The following CRY2 variants were observed in gnomAD, a reference collection of about 807,000 sequenced individuals.
The protein encoded by CRY2 is cryptochrome circadian regulator 2.
Under a neutral mutation model 69.5 loss-of-function variants are expected in CRY2, and 31 were observed. That is an observed-to-expected ratio of 0.45 (90% CI 0.34 to 0.60). The LOEUF (loss-of-function observed/expected upper bound fraction) is 0.60, where lower values mean the gene tolerates loss of function less well. CRY2 is among the 20% of genes least tolerant of loss of function. CRY2 has a pLI of 0.02. For missense variants in CRY2, 606 were observed against 797.8 expected, an observed-to-expected ratio of 0.76 and a Z score of 2.90; for synonymous variants, 303 against 312.2, an observed-to-expected ratio of 0.97 and a Z score of 0.31.
intron 1 of CRY2, among the ~76,000 whole-genome samples, chr11:45,850,014 T>TG (rs981581861): frequency 6.6e-6 from 1 of 150,914 alleles, no homozygotes; most frequent in African/African-American, 2.4e-5. Flanking sequence ...TTTTGTTTTT[T>TG]TTTTTTTTTG....
Position 45,858,861 on chromosome 11 carries a change from A to G in CRY2, c.455A>G (p.Tyr152Cys), listed in dbSNP as rs2086263691. ...EVVTENSHTL[Y>C]DLDRIIELNG... The stretch of plus-strand genomic sequence containing the variant: ...GTGACGGAGAATTCTCATACCCTCT[A>G]TGACCTGGACAGGTAAGAGATGGGG... The change falls in exon 3 of 12, where the codon TAT becomes TGT. Residue 152 changes from tyrosine to cysteine, a missense_variant. Physicochemically the swap from Tyr to Cys is radical, Grantham distance 194 (BLOSUM62 -2). Transcript: ENST00000616080. 5.0e-6 allele frequency: 8 copies of G among 1,613,762 alleles called. No homozygotes were observed. The highest frequency in any genetic ancestry group is 2.7e-5 in the African/African-American group (2 of 74,896).
rs533768408 is a variant in CRY2, at chr11:45,853,607, C to T, written c.216-2375C>T. 2.0e-5 allele frequency among the ~76,000 whole-genome samples: 3 copies of T among 152,282 alleles called. No individual in the cohort carries two copies. The South Asian group carries it at 6.2e-4, about 32-fold the overall frequency. On this transcript the variant is annotated intron_variant, in intron 1 of 11. Transcript: ENST00000616080. ...ACTGTGAAGGAAAAGACCCCCAAAG[C>T]GCATGGCAAGGACACTCCTGGGAGC...
At chr11:45,862,397 T>C (rs976435249) in intron 5 of CRY2, among the ~76,000 whole-genome samples, 2 of 145,282 alleles carry the variant, frequency 1.4e-5, no homozygotes, top group African/African-American at 4.9e-5. Context: ...TCTTTTAATC[T>C]TTCCAATAGC....
chr11:45,870,156 G>T lies in CRY2; in HGVS notation c.1298G>T (p.Cys433Phe). The change falls in exon 8 of 12, where the codon TGC becomes TTC. Residue 433 changes from cysteine to phenylalanine, a missense_variant. Transcript: ENST00000616080. ...AFFQQFFHCY[C>F]PVGFGRRTDP... ...TTCCAGCAGTTCTTCCACTGCTACT[G>T]CCCTGTGGGCTTTGGCCGTCGCACG... 6.2e-7 allele frequency: 1 copy of T among 1,613,774 alleles called. No individual in the cohort carries two copies. Among genetic ancestry groups the T allele is most frequent in the South Asian group, 1.1e-5 (1 of 91,056 alleles).
At chr11:45,877,917 C>T (rs563540320) in intron 11 of CRY2, among the ~76,000 whole-genome samples, 1 of 152,316 alleles carries the variant, frequency 6.6e-6, no homozygotes, top group African/African-American at 2.4e-5. Flanking sequence ...CCTTGGTTTT[C>T]TGCATTGGTA....
At chr11:45,874,903 A>G (rs2086414054) in intron 11 of CRY2, among the ~76,000 whole-genome samples, 1 of 152,192 alleles carries the variant, frequency 6.6e-6, no homozygotes, top group African/African-American at 2.4e-5. Context: ...AGATCGTACC[A>G]CTGCACTCCA....
At chr11:45,869,995 T>TG in intron 7 of CRY2, 58 bp from the exon 8 acceptor site, 1 of 1,541,576 alleles carries the variant, frequency 6.5e-7, no homozygotes, top group East Asian at 2.3e-5. Context: ...TGTGGTGACT[T>TG]GGGAAAAAAC....
Position 45,881,905 on chromosome 11 carries a change from A to G in CRY2, c.*994A>G, listed in dbSNP as rs1239573756. On this transcript the variant is annotated 3_prime_UTR_variant, in exon 12 of 12. Coordinates refer to ENST00000616080, the MANE Select transcript of CRY2 (RefSeq NM_021117.5). ...AGCCAGGGAAACCATTCTAGTCTTT[A>G]TTCTGTTGGCTTCCAGGGCCTGTCC... The G allele has an allele frequency of 2.6e-5, 4 of 152,238 alleles. No individual in the cohort carries two copies. The highest frequency in any genetic ancestry group is 9.6e-5 in the African/African-American group (4 of 41,452). The allele number at this position is 152,238 out of a possible 1,614,324, so 9.4% of individuals were successfully genotyped here.
In CRY2 at chr11:45,860,931, A is replaced by C. The variant is rs1471492159; in HGVS notation, c.551A>C (p.Lys184Thr). Residue 184 changes from lysine (K) to threonine (T), a missense_variant, in exon 4 of 12, where the codon AAG becomes ACG. By Grantham distance (78) the Lys-to-Thr change is moderately conservative (BLOSUM62 -1). This residue lies in a region of CRY2 where 382 missense variants were observed against 508.9 expected (regional missense o/e 0.75). Transcript: ENST00000616080. ...ATCAGCCGCATGGAGCTGCCCAAGA[A>C]GCCAGTGGGCTTGGTGACCAGCCAG... The part of the protein sequence containing the change: ...AIISRMELPK[K>T]PVGLVTSQQM... The C allele has an allele frequency of 9.3e-6, 15 of 1,614,062 alleles. No individual in the cohort carries two copies. The highest frequency in any genetic ancestry group is 1.2e-5 in the Non-Finnish European group (14 of 1,180,054).
At position 45,870,862 on chromosome 11, in the gene CRY2, T is replaced by G; in HGVS notation, c.1570T>G (p.Ser524Ala). 1 of 1,613,712 alleles carries G rather than the reference T, an allele frequency of 6.2e-7. No individual in the cohort carries two copies. The highest frequency in any genetic ancestry group is 8.5e-7 in the Non-Finnish European group (1 of 1,179,996). ...CCCAGGTCTACTGGCATCTGTCCCTTCCTGTGTGGAAGACCTCAGTCACCC... is the reference window on the plus strand; with the variant it reads ...CCCAGGTCTACTGGCATCTGTCCCTGCCTGTGTGGAAGACCTCAGTCACCC... ...RGLCLLASVP[S>A]CVEDLSHPVA... Residue 524 changes from serine to alanine, a missense_variant, in exon 10 of 12, where the codon TCC becomes GCC. By Grantham distance (99) the Ser-to-Ala change is moderately conservative. Coordinates refer to ENST00000616080, the MANE Select transcript of CRY2 (RefSeq NM_021117.5).
chr11:45,860,726 C>A, intron 3 of CRY2, 122 bp from the exon 4 acceptor site: 1 of 1,040,692 alleles, frequency 9.6e-7, no homozygotes, highest in South Asian at 1.5e-5. Flanking sequence ...AGGCATGGGA[C>A]CTGTGAGTGG....
intron 5 of CRY2, among the ~76,000 whole-genome samples, chr11:45,867,218 G>C (rs913935735): frequency 6.6e-6 from 1 of 152,196 alleles, no homozygotes; most frequent in Non-Finnish European, 1.5e-5. Flanking sequence ...GACTAGAGAA[G>C]GGACTGAGAT....
Position 45,870,351 on chromosome 11 carries a change from A to C in CRY2, c.1368A>C (p.Lys456Asn). The C allele has an allele frequency of 4.3e-6, 7 of 1,614,190 alleles. No individual in the cohort carries two copies. The highest frequency in any genetic ancestry group is 5.9e-6 in the Non-Finnish European group (7 of 1,180,044). Reference protein sequence around the residue: ...DYIRRYLPKLKAFPSRYIYEP... With the variant: ...DYIRRYLPKLNAFPSRYIYEP... ...TCAGGCGATACCTGCCCAAATTGAA[A>C]GCGTTCCCCTCTCGATACATCTATG... The change falls in exon 9 of 12, where the codon AAA becomes AAC. Residue 456 changes from lysine (K) to asparagine (N), a missense_variant. By Grantham distance (94) the Lys-to-Asn change is moderately conservative (BLOSUM62 0). Coordinates refer to ENST00000616080, the MANE Select transcript of CRY2 (RefSeq NM_021117.5).
intron 11 of CRY2, among the ~76,000 whole-genome samples, chr11:45,872,941 T>C (rs1036077743): frequency 6.6e-6 from 1 of 152,206 alleles, no homozygotes; most frequent in Non-Finnish European, 1.5e-5. Context: ...AGGGCTGTGC[T>C]GTGTCTTACT....
Position 45,878,837 on chromosome 11 carries a change from T to C in CRY2, c.*3-2077T>C, listed in dbSNP as rs961416190. ...GGGAGGCCAAGGCAGGAGAATTGCT[T>C]GAACCCAGGAGGCAGAAGTTGCAGT... On this transcript the variant is annotated intron_variant, in intron 11 of 11. Transcript: ENST00000616080. Among the ~76,000 whole-genome samples the C allele has an allele frequency of 6.7e-5, 10 of 148,542 alleles. No individual in the cohort carries two copies. The Admixed American group carries it at 6.8e-4, about 10-fold the overall frequency.
At chr11:45,867,460 G>T in intron 5 of CRY2, 152 bp from the exon 6 acceptor site, 2 of 897,464 alleles carry the variant, frequency 2.2e-6, no homozygotes, top group Non-Finnish European at 1.7e-6. Context: ...TGGTGGTTCC[G>T]TCTCAAAATC....
chr11:45,882,656 C>G lies in CRY2; in HGVS notation c.*1745C>G. ...CAGGGCACAGGGGATGGTGTGCATTCAGAGCATTGGGTTGGGGGCTTCCCT... is the reference window on the plus strand; with the variant it reads ...CAGGGCACAGGGGATGGTGTGCATTGAGAGCATTGGGTTGGGGGCTTCCCT... On this transcript the variant is annotated 3_prime_UTR_variant, in exon 12 of 12. Coordinates refer to ENST00000616080, the MANE Select transcript of CRY2 (RefSeq NM_021117.5). The G allele has an allele frequency of 2.5e-6, 1 of 399,000 alleles. No homozygotes were observed. The highest frequency in any genetic ancestry group is 4.4e-6 in the Non-Finnish European group (1 of 226,094). 24.7% of individuals were successfully genotyped at this position (399,000 alleles called of 1,614,324 possible). A position where few individuals can be genotyped will look rare whatever the true frequency, so the allele number is the denominator to read the frequency against.
At chr11:45,855,361 A>G (rs2086231412) in intron 1 of CRY2, among the ~76,000 whole-genome samples, 1 of 152,214 alleles carries the variant, frequency 6.6e-6, no homozygotes, top group Non-Finnish European at 1.5e-5. Flanking sequence ...CAGAGCATGC[A>G]TGCAGAAAGT....
At chr11:45,848,357 G>C (rs1009982116) in intron 1 of CRY2, among the ~76,000 whole-genome samples, 3 of 151,376 alleles carry the variant, frequency 2.0e-5, no homozygotes, top group African/African-American at 4.8e-5. Flanking sequence ...AGAGAATCCA[G>C]GGGATTCTCC....
Sources: allele counts gnomAD v4.1 joint callset (sites outside exome capture counted in the v4.1 genomes callset), GRCh38; gene constraint gnomAD v4.1.1; regional missense constraint gnomAD v4.1.1; transcripts MANE v1.5; gene names NCBI Gene and HGNC (gene_info 2026-07-23, HGNC 2026-07-21).